PMF1: variants seen among roughly 807,000 people sequenced by gnomAD.
PMF1 encodes the protein polyamine-modulated factor 1.
In PMF1, 21 loss-of-function variants were observed where a neutral mutation model predicts 26.7. The observed-to-expected ratio is 0.79, with a 90% confidence interval of 0.56 to 1.13. The LOEUF (loss-of-function observed/expected upper bound fraction) is 1.13. PMF1 is among the 50% of genes most tolerant of loss of function. PMF1 has a pLI of 0.00. For synonymous variants in PMF1, 105 were observed against 101.0 expected (o/e 1.04, Z -0.24); for missense variants, 266 against 254.9 (o/e 1.04, Z -0.30).
intron 1 of PMF1, among the ~76,000 whole-genome samples, chr1:156,227,934 A>ATTTTTT (rs35566648): frequency 8.3e-6 from 1 of 119,882 alleles, no homozygotes; most frequent in Admixed American, 8.5e-5. Flanking sequence ...CCTGACTATG[A>ATTTTTT]TTTTTTTTTT....
rs190365576 is a variant in PMF1, at chr1:156,218,840, A to C, written c.161+5664A>C. 1.6e-4 allele frequency among the ~76,000 whole-genome samples: 25 copies of C among 152,010 alleles called. No homozygotes were observed. In the East Asian group the frequency reaches 4.6e-3, roughly 28 times the overall value. On this transcript the variant is annotated intron_variant, in intron 1 of 4. Transcript: ENST00000368277. ...GCCTAATCCGTTTTTTTTTAATCCT[A>C]ATTTTCATGTAATTACTTCCATTCA...
intron 4 of PMF1, 84 bp downstream of exon 4, chr1:156,236,567 C>T: frequency 6.7e-7 from 1 of 1,490,408 alleles, no homozygotes; most frequent in Non-Finnish European, 9.0e-7. Flanking sequence ...TCCATTCCAA[C>T]ACAGGGGACC....
chr1:156,215,141 G>C (rs1572475713), intron 1 of PMF1, among the ~76,000 whole-genome samples: 1 of 152,098 alleles, frequency 6.6e-6, no homozygotes, highest in East Asian at 1.9e-4. Flanking sequence ...CTCCCAAAGT[G>C]CTGGGATTAC....
At chr1:156,230,064 G>C (rs1166309962) in intron 1 of PMF1, among the ~76,000 whole-genome samples, 1 of 152,166 alleles carries the variant, frequency 6.6e-6, no homozygotes, top group Non-Finnish European at 1.5e-5. Context: ...GGCGGGTTTC[G>C]TGAGGAGGCT....
intron 1 of PMF1, among the ~76,000 whole-genome samples, chr1:156,218,840 A>G (rs190365576): frequency 6.6e-6 from 1 of 151,892 alleles, no homozygotes; most frequent in Non-Finnish European, 1.5e-5. Flanking sequence ...TTTTAATCCT[A>G]ATTTTCATGT....
chr1:156,213,072 G>A lies in PMF1; in HGVS notation c.57G>A (p.Glu19=), dbSNP rs1657462639. Residue 19 remains glutamate (E), a synonymous_variant, in exon 1 of 5, where the codon GAG becomes GAA. Coordinates refer to ENST00000368277, the MANE Select transcript of PMF1 (RefSeq NM_007221.4). ...LGSGCEEKRH[E]GSSSESVPPG... is the part of the protein sequence containing the mutation. ...GCGGCTGTGAGGAAAAAAGGCATGAGGGGTCGTCTTCGGAATCTGTGCCAC... is the reference window on the plus strand; with the variant it reads ...GCGGCTGTGAGGAAAAAAGGCATGAAGGGTCGTCTTCGGAATCTGTGCCAC... 4 of 1,614,234 alleles carry A rather than the reference G, an allele frequency of 2.5e-6. No homozygotes were observed. In the South Asian group the frequency reaches 3.3e-5, roughly 13 times the overall value.
intron 1 of PMF1, among the ~76,000 whole-genome samples, chr1:156,215,311 T>C (rs975880905): frequency 6.6e-6 from 1 of 152,082 alleles, no homozygotes; most frequent in African/African-American, 2.4e-5. Flanking sequence ...CAGAGTAAAA[T>C]GAGATGAGGC....
intron 1 of PMF1, among the ~76,000 whole-genome samples, chr1:156,214,269 C>T (rs907009616): frequency 1.3e-5 from 2 of 152,138 alleles, no homozygotes; most frequent in African/African-American, 4.8e-5. Context: ...CCCACCACCC[C>T]AGCACATCAG....
chr1:156,231,923 C>T (rs1179247105), intron 1 of PMF1, among the ~76,000 whole-genome samples: 2 of 152,128 alleles, frequency 1.3e-5, no homozygotes, highest in Non-Finnish European at 2.9e-5. Context: ...GCCAATCTCT[C>T]CCAGATGTCA....
rs35566648 is a variant in PMF1, at chr1:156,227,934, A to AT, written c.162-4369dup. ...GCGTGAGCCACTGCACCTGACTATG[A>AT]TTTTTTTTTTTTTTTTTGAGACGGA... On this transcript the variant is annotated intron_variant, in intron 1 of 4. Transcript: ENST00000368277. 3.8e-3 allele frequency among the ~76,000 whole-genome samples: 454 copies of AT among 119,870 alleles called. 4 individuals carry two copies. The highest frequency in any genetic ancestry group is 8.3e-3 in the African/African-American group (263 of 31,796). 78.6% of individuals were successfully genotyped at this position (119,870 alleles called of 152,430 possible).
chr1:156,222,355 C>G (rs1026748818), intron 1 of PMF1, among the ~76,000 whole-genome samples: 1 of 151,942 alleles, frequency 6.6e-6, no homozygotes, highest in Non-Finnish European at 1.5e-5. Context: ...AGAGAAAGGG[C>G]TCAATAAGTG....
chr1:156,230,229 A>AGT (rs1213409976), intron 1 of PMF1, among the ~76,000 whole-genome samples: 1 of 152,238 alleles, frequency 6.6e-6, no homozygotes, highest in African/African-American at 2.4e-5. Flanking sequence ...GTACAGCATC[A>AGT]GTGTGAGCTT....
intron 1 of PMF1, among the ~76,000 whole-genome samples, chr1:156,223,180 C>G (rs147029032): frequency 1.2e-4 from 19 of 152,336 alleles, no homozygotes; most frequent in Non-Finnish European, 2.5e-4. Context: ...CATGCTCATA[C>G]TTTCCCTCCG....
At chr1:156,216,212 G>A (rs529184097) in intron 1 of PMF1, among the ~76,000 whole-genome samples, 65 of 151,788 alleles carry the variant, frequency 4.3e-4, no homozygotes, top group Middle Eastern at 6.8e-3. Context: ...CCAATGTAGC[G>A]AAACCCCATC....
At chr1:156,237,446 CTTTTTTTTTTT>C (rs33952725) in intron 4 of PMF1, among the ~76,000 whole-genome samples, 4 of 123,384 alleles carry the variant, frequency 3.2e-5, no homozygotes, top group African/African-American at 9.1e-5. Context: ...TATTTTTTGT[CTTTTTTTTTTT>C]TTTTTTTTAG....
At chr1:156,236,927 T>C (rs144847100) in intron 4 of PMF1, 1 of 170,630 alleles carries the variant, frequency 5.9e-6, no homozygotes. Flanking sequence ...TTTTTAAAAT[T>C]GATACATCAT....
rs115031606 is a variant in PMF1, at chr1:156,232,543, T to C, written c.267+118T>C. The C allele has an allele frequency of 8.1e-4, 729 of 898,296 alleles. 1 individual carries two copies. The African/African-American group carries it at 0.011, about 13-fold the overall frequency. 55.6% of individuals were successfully genotyped at this position (898,296 alleles called of 1,614,324 possible). A position where few individuals can be genotyped will look rare whatever the true frequency, so the allele number is the denominator to read the frequency against. ...TCTGTCTCCTCAGCCCCTAGAGCTG[T>C]CCTGGGTGCCCAGCAGGCTGCAGCA... On this transcript the variant is annotated intron_variant, in intron 2 of 4. Transcript: ENST00000368277.
Position 156,233,638 on chromosome 1 carries a change from C to G in PMF1, c.278C>G (p.Ser93Cys). The G allele has an allele frequency of 6.2e-7, 1 of 1,613,934 alleles. No homozygotes were observed. Among genetic ancestry groups the G allele is most frequent in the Non-Finnish European group, 8.5e-7 (1 of 1,179,918 alleles). The change falls in exon 3 of 5, where the codon TCT becomes TGT. Residue 93 changes from serine to cysteine, a missense_variant. By Grantham distance (112) the Ser-to-Cys change is moderately radical. Transcript: ENST00000368277. ...QLQTSIREEI[S>C]DIKEEGNLEA... is the part of the protein sequence containing the mutation. The stretch of plus-strand genomic sequence containing the variant: ...CTCCTTTCTCTTCAGGAGGAAATCT[C>G]TGACATCAAAGAGGAGGGGAACCTA...
Position 156,216,652 on chromosome 1 carries a change from G to A in PMF1, c.161+3476G>A, listed in dbSNP as rs914917256. On this transcript the variant is annotated intron_variant, in intron 1 of 4. Coordinates refer to ENST00000368277, the MANE Select transcript of PMF1 (RefSeq NM_007221.4). The stretch of plus-strand genomic sequence containing the variant: ...GGTCTCTGACCCACCCGGGGGCGGC[G>A]GGGAAGGCGGCGAGGGCTACCCTGC... Among the ~76,000 whole-genome samples the A allele has an allele frequency of 3.3e-5, 5 of 151,812 alleles. No individual in the cohort carries two copies. In the East Asian group the frequency reaches 5.9e-4, roughly 18 times the overall value.
Sources: allele counts gnomAD v4.1 joint callset (sites outside exome capture counted in the v4.1 genomes callset), GRCh38; gene constraint gnomAD v4.1.1; transcripts MANE v1.5; gene names NCBI Gene and HGNC (gene_info 2026-07-23, HGNC 2026-07-21).